ADAMTSL1: variants seen among roughly 807,000 people sequenced by gnomAD.
ADAMTSL1 encodes ADAMTS-like protein 1.
ADAMTSL1 carries 126 observed loss-of-function variants against 201.8 expected under a neutral mutation model. The ratio of observed to expected loss-of-function variants is 0.62; its 90% CI spans 0.54 to 0.72. ADAMTSL1 has a LOEUF of 0.72. ADAMTSL1 is among the 30% of genes least tolerant of loss of function. The pLI is 0.00. For synonymous variants in ADAMTSL1, 1,121 were observed against 903.4 expected (o/e 1.24, Z -4.32); for missense variants, 2,679 against 2,277.8 (o/e 1.18, Z -3.59).
chr9:18,645,359 GT>G (rs1827738886), intron 7 of ADAMTSL1, among the ~76,000 whole-genome samples: 1 of 152,150 alleles, frequency 6.6e-6, no homozygotes, highest in Admixed American at 6.5e-5. Context: ...TCTGATGGTA[GT>G]TTCTTTTGCT....
chr9:17,988,109 A>G (rs1168463736), intron 1 of ADAMTSL1, among the ~76,000 whole-genome samples: 1 of 151,980 alleles, frequency 6.6e-6, no homozygotes, highest in South Asian at 2.1e-4. Flanking sequence ...GCTGTGTTTC[A>G]TCTTGGAAAC....
intron 2 of ADAMTSL1, among the ~76,000 whole-genome samples, chr9:18,330,693 C>G (rs927024643): frequency 3.3e-5 from 5 of 152,144 alleles, no homozygotes; most frequent in African/African-American, 9.7e-5. Flanking sequence ...GGGATCTGAG[C>G]TCTTTCTGCT....
At chr9:18,317,393 A>AAC (rs57642851) in intron 2 of ADAMTSL1, among the ~76,000 whole-genome samples, 24,405 of 149,020 alleles carry the variant, frequency 0.16, 2,004 homozygotes, top group East Asian at 0.24. Flanking sequence ...AAGTGTCCTC[A>AAC]ACACACACAC....
At chr9:18,135,549 T>C (rs1314863300) in intron 1 of ADAMTSL1, among the ~76,000 whole-genome samples, 2 of 152,066 alleles carry the variant, frequency 1.3e-5, no homozygotes, top group Non-Finnish European at 2.9e-5. Flanking sequence ...TAGTCCCAGA[T>C]ACTCAGGAGG....
intron 2 of ADAMTSL1, among the ~76,000 whole-genome samples, chr9:18,456,970 A>C (rs1025566494): frequency 6.6e-6 from 1 of 152,216 alleles, no homozygotes; most frequent in East Asian, 1.9e-4. Context: ...TATCTCATTC[A>C]TTCATTTAGC....
At chr9:18,295,198 G>T (rs73428918) in intron 2 of ADAMTSL1, among the ~76,000 whole-genome samples, 2 of 151,938 alleles carry the variant, frequency 1.3e-5, no homozygotes, top group Middle Eastern at 3.2e-3. Context: ...ATTAATTGTG[G>T]CAATGAGGGC....
intron 1 of ADAMTSL1, among the ~76,000 whole-genome samples, chr9:18,499,950 G>C (rs1384011735): frequency 6.6e-6 from 1 of 151,968 alleles, no homozygotes; most frequent in Non-Finnish European, 1.5e-5. Flanking sequence ...TATTTTCCAA[G>C]TACCCTGTAT....
At position 18,180,711 on chromosome 9, in the gene ADAMTSL1, A is replaced by C. The variant is rs200939227; in HGVS notation, c.207+16730A>C. On this transcript the variant is annotated intron_variant, in intron 2 of 29. Coordinates refer to the ADAMTSL1 transcript ENST00000680146. Reference sequence around the variant, plus strand: ...ATATCATGAAAATGGCCATACTGCCAAAGGTAATTTACAGATTCAATGCCA... The same window carrying C: ...ATATCATGAAAATGGCCATACTGCCCAAGGTAATTTACAGATTCAATGCCA... Among the ~76,000 whole-genome samples, 353 of 152,214 alleles carry C rather than the reference A, an allele frequency of 2.3e-3. 2 individuals carry two copies. Among genetic ancestry groups the C allele is most frequent in the African/African-American group, 7.2e-3 (298 of 41,516 alleles).
At chr9:18,177,508 T>C (rs530587250) in intron 2 of ADAMTSL1, among the ~76,000 whole-genome samples, 2 of 152,288 alleles carry the variant, frequency 1.3e-5, no homozygotes, top group South Asian at 4.1e-4. Flanking sequence ...AAAGAAACTT[T>C]CCAGAGATAG....
intron 3 of ADAMTSL1, among the ~76,000 whole-genome samples, chr9:18,563,088 G>C (rs1482242894): frequency 1.3e-5 from 2 of 152,178 alleles, no homozygotes; most frequent in African/African-American, 4.8e-5. Flanking sequence ...CTTTGGAGAA[G>C]AGTCATTCTG....
chr9:18,032,623 T>C (rs1178371507), intron 1 of ADAMTSL1, among the ~76,000 whole-genome samples: 1 of 151,806 alleles, frequency 6.6e-6, no homozygotes, highest in African/African-American at 2.4e-5. Context: ...ACATGGAGAG[T>C]CTTGGAAGAG....
chr9:18,673,678 C>A (rs1426580504), intron 9 of ADAMTSL1, among the ~76,000 whole-genome samples: 2 of 152,070 alleles, frequency 1.3e-5, no homozygotes, highest in Non-Finnish European at 2.9e-5. Flanking sequence ...CAGAGATCTG[C>A]AACAGTTTAT....
rs143370085 is a variant in ADAMTSL1, at chr9:18,870,540, C to T, written c.4250-17291C>T. Among the ~76,000 whole-genome samples, 130 of 152,238 alleles carry T rather than the reference C, an allele frequency of 8.5e-4. 1 individual carries two copies. Among genetic ancestry groups the T allele is most frequent in the South Asian group, 7.0e-3 (34 of 4,826 alleles). On this transcript the variant is annotated intron_variant, in intron 23 of 28. Transcript: ENST00000380548. ...ATTTATGCAGAAATCTGAAATTCAT[C>T]GCCTTTGTTGCTCTTCTGTGACTTG...
At chr9:18,207,092 G>A (rs1017044145) in intron 2 of ADAMTSL1, among the ~76,000 whole-genome samples, 1 of 152,076 alleles carries the variant, frequency 6.6e-6, no homozygotes, top group Non-Finnish European at 1.5e-5. Flanking sequence ...TGGAACCTGG[G>A]AGGCAGAGAT....
At chr9:18,196,756 C>A (rs541695949) in intron 2 of ADAMTSL1, among the ~76,000 whole-genome samples, 8 of 152,222 alleles carry the variant, frequency 5.3e-5, no homozygotes, top group East Asian at 1.9e-4. Flanking sequence ...TGCTTACTAA[C>A]CCTAGTCCTT....
chr9:18,201,205 G>A (rs1331552120), intron 2 of ADAMTSL1, among the ~76,000 whole-genome samples: 1 of 152,006 alleles, frequency 6.6e-6, no homozygotes, highest in African/African-American at 2.4e-5. Flanking sequence ...GTGAAATTTG[G>A]TCCAGAAATG....
intron 2 of ADAMTSL1, among the ~76,000 whole-genome samples, chr9:18,298,067 T>C (rs1376838488): frequency 2.0e-5 from 3 of 152,228 alleles, no homozygotes; most frequent in Non-Finnish European, 2.9e-5. Flanking sequence ...TGTTTGTCAA[T>C]TGGAATCTGC....
At chr9:18,336,641 T>C (rs1281760170) in intron 2 of ADAMTSL1, among the ~76,000 whole-genome samples, 1 of 152,054 alleles carries the variant, frequency 6.6e-6, no homozygotes, top group Non-Finnish European at 1.5e-5. Flanking sequence ...ATGGGTGAAG[T>C]GGAAGGTTAC....
intron 1 of ADAMTSL1, among the ~76,000 whole-genome samples, chr9:18,153,368 T>A (rs552005040): frequency 7.6e-4 from 116 of 152,210 alleles, no homozygotes; most frequent in African/African-American, 2.7e-3. Context: ...TTAGATGACT[T>A]CTAAGCCTCT....
Sources: allele counts gnomAD v4.1 joint callset (sites outside exome capture counted in the v4.1 genomes callset), GRCh38; gene constraint gnomAD v4.1.1; transcripts MANE v1.5; gene names NCBI Gene and HGNC (gene_info 2026-07-23, HGNC 2026-07-21).